Variants in SUGCT observed in about 807,000 individuals in gnomAD.
SUGCT encodes the protein succinyl-CoA:glutarate-CoA transferase.
SUGCT carries 41 observed loss-of-function variants against 55.0 expected under a neutral mutation model. That is an observed-to-expected ratio of 0.74 (90% CI 0.58 to 0.97). The LOEUF (loss-of-function observed/expected upper bound fraction) is 0.97. SUGCT is among the 50% of genes least tolerant of loss of function. The pLI, the probability that SUGCT is intolerant of heterozygous loss-of-function variation, is 0.00. For missense variants in SUGCT, 568 were observed against 547.8 expected (o/e 1.04, Z -0.37); for synonymous variants, 187 against 200.4 (o/e 0.93, Z 0.56).
chr7:40,762,172 A>G (rs1186701308), intron 13 of SUGCT, among the ~76,000 whole-genome samples: 1 of 152,258 alleles, frequency 6.6e-6, no homozygotes, highest in Non-Finnish European at 1.5e-5. Context: ...CACTAGAAGC[A>G]GAAACTATCC....
intron 12 of SUGCT, among the ~76,000 whole-genome samples, chr7:40,692,313 A>G (rs1243277191): frequency 6.6e-6 from 1 of 152,228 alleles, no homozygotes; most frequent in East Asian, 1.9e-4. Context: ...AAGGTGGGAC[A>G]TTTAAGTCTT....
At chr7:40,563,617 G>T (rs919406464) in intron 12 of SUGCT, among the ~76,000 whole-genome samples, 2 of 151,896 alleles carry the variant, frequency 1.3e-5, no homozygotes, top group Admixed American at 1.3e-4. Flanking sequence ...GGAAGGCCGA[G>T]GTGGGAGGAT....
intron 12 of SUGCT, among the ~76,000 whole-genome samples, chr7:40,726,510 G>A (rs1336121632): frequency 6.6e-6 from 1 of 152,046 alleles, no homozygotes; most frequent in Non-Finnish European, 1.5e-5. Flanking sequence ...AAGTGGATCC[G>A]TGCAGTTCAA....
At chr7:40,653,533 A>T (rs1274813268) in intron 12 of SUGCT, among the ~76,000 whole-genome samples, 1 of 152,040 alleles carries the variant, frequency 6.6e-6, no homozygotes, top group Non-Finnish European at 1.5e-5. Context: ...AAGCTAGCTG[A>T]CTCTTGAATG....
chr7:40,169,842 C>T (rs768909327), intron 1 of SUGCT, among the ~76,000 whole-genome samples: 2 of 151,908 alleles, frequency 1.3e-5, no homozygotes, highest in Non-Finnish European at 2.9e-5. Flanking sequence ...AGTTTTGCTC[C>T]GGGCCTAACG....
intron 8 of SUGCT, among the ~76,000 whole-genome samples, chr7:40,280,289 G>T (rs1792867032): frequency 6.6e-6 from 1 of 152,058 alleles, no homozygotes; most frequent in Non-Finnish European, 1.5e-5. Flanking sequence ...GTCTGAATAT[G>T]ATTTAAATTT....
intron 12 of SUGCT, among the ~76,000 whole-genome samples, chr7:40,523,313 G>T (rs890075695): frequency 2.6e-5 from 4 of 152,014 alleles, no homozygotes; most frequent in Non-Finnish European, 5.9e-5. Flanking sequence ...CAGATACAAT[G>T]AAATTATGTA....
chr7:40,717,416 C>T (rs2128679692), intron 12 of SUGCT, among the ~76,000 whole-genome samples: 1 of 152,322 alleles, frequency 6.6e-6, no homozygotes. Flanking sequence ...GCAAGCTCCT[C>T]CCGTGCACAA....
intron 13 of SUGCT, among the ~76,000 whole-genome samples, chr7:40,764,577 G>GT (rs1330933011): frequency 3.3e-5 from 5 of 151,856 alleles, no homozygotes; most frequent in African/African-American, 7.3e-5. Context: ...TGACAGGAAG[G>GT]TTAAAAAAAA....
chr7:40,907,134 TGTGTGTGAGA>T, the SUGCT span, among the ~76,000 whole-genome samples: 501 of 44,764 alleles, frequency 0.011, 2 homozygotes, highest in East Asian at 0.05. Context: ...TGTGTGTGTG[TGTGTGTGAGA>T]GAGAGAGAGA....
At chr7:40,180,854 C>T in intron 1 of SUGCT, 93 bp from the exon 2 acceptor site, 3 of 944,358 alleles carry the variant, frequency 3.2e-6, no homozygotes, top group Non-Finnish European at 5.1e-6. Context: ...TCACTGTAGT[C>T]CTTGTGATCT....
chr7:40,435,462 A>T (rs544209266), intron 9 of SUGCT, among the ~76,000 whole-genome samples: 1 of 152,248 alleles, frequency 6.6e-6, no homozygotes, highest in Admixed American at 6.5e-5. Context: ...ATAATGTCTC[A>T]TATTTCCTGA....
intron 12 of SUGCT, among the ~76,000 whole-genome samples, chr7:40,582,136 G>T (rs963353685): frequency 5.3e-5 from 8 of 152,026 alleles, no homozygotes; most frequent in Non-Finnish European, 8.8e-5. Context: ...AAAAGTCACC[G>T]AGAGAGATTA....
the SUGCT span, among the ~76,000 whole-genome samples, chr7:40,872,107 A>G: frequency 6.6e-6 from 1 of 152,302 alleles, no homozygotes; most frequent in East Asian, 1.9e-4. Context: ...CCAGCAATGC[A>G]CAGCACAGCC....
chr7:40,602,537 G>A (rs900107269), intron 12 of SUGCT, among the ~76,000 whole-genome samples: 2 of 152,118 alleles, frequency 1.3e-5, no homozygotes, highest in African/African-American at 4.8e-5. Flanking sequence ...TTGTGCCTGG[G>A]TTGTGACTGC....
At chr7:40,203,555 G>A (rs1156481530) in intron 6 of SUGCT, among the ~76,000 whole-genome samples, 1 of 151,956 alleles carries the variant, frequency 6.6e-6, no homozygotes, top group Non-Finnish European at 1.5e-5. Context: ...TGGGTAGATC[G>A]CTTGAGGTCA....
chr7:40,630,055 A>G (rs1391854436), intron 12 of SUGCT, among the ~76,000 whole-genome samples: 2 of 152,192 alleles, frequency 1.3e-5, no homozygotes, highest in Non-Finnish European at 2.9e-5. Context: ...TCATGATTTT[A>G]AATTTATACT....
At chr7:40,477,068 A>G (rs2151480869) in intron 11 of SUGCT, among the ~76,000 whole-genome samples, 1 of 152,322 alleles carries the variant, frequency 6.6e-6, no homozygotes, top group South Asian at 2.1e-4. Flanking sequence ...TTATTCTTCA[A>G]TTAATATAGA....
chr7:40,140,694 T>G (rs1295752577), intron 1 of SUGCT, among the ~76,000 whole-genome samples: 2 of 151,978 alleles, frequency 1.3e-5, no homozygotes, highest in African/African-American at 4.8e-5. Context: ...GCACCGCACC[T>G]GGCCCTATGT....
Sources: allele counts gnomAD v4.1 joint callset (sites outside exome capture counted in the v4.1 genomes callset), GRCh38; gene constraint gnomAD v4.1.1; transcripts MANE v1.5; gene names NCBI Gene and HGNC (gene_info 2026-07-23, HGNC 2026-07-21).